The following DISC1 variants were observed in gnomAD, a reference collection of about 807,000 sequenced individuals.
The protein encoded by DISC1 is disrupted in schizophrenia 1 protein.
DISC1 carries 57 observed loss-of-function variants against 84.5 expected under a neutral mutation model. The ratio of observed to expected loss-of-function variants is 0.67; its 90% CI spans 0.55 to 0.84. The LOEUF (loss-of-function observed/expected upper bound fraction) is 0.84. Among genes scored for constraint, DISC1 ranks in the 40% least tolerant of loss-of-function variants. The pLI is 0.00. For synonymous variants in DISC1, 411 were observed against 415.2 expected, an observed-to-expected ratio of 0.99 and a Z score of 0.12; for missense variants, 1,000 against 1,057.8, an observed-to-expected ratio of 0.95 and a Z score of 0.76.
intron 1 of DISC1, among the ~76,000 whole-genome samples, chr1:231,691,948 A>G (rs537017545): frequency 5.3e-5 from 8 of 152,180 alleles, no homozygotes; most frequent in Non-Finnish European, 1.0e-4. Context: ...TTCAACTTGC[A>G]TGGCCTCTGT....
chr1:231,938,842 AC>A (rs2091134513), intron 9 of DISC1, among the ~76,000 whole-genome samples: 1 of 151,996 alleles, frequency 6.6e-6, no homozygotes, highest in South Asian at 2.1e-4. Context: ...CTGTTAGGCA[AC>A]TCTGCTTGGC....
At chr1:231,707,731 A>G (rs1336031162) in intron 3 of DISC1, among the ~76,000 whole-genome samples, 3 of 152,166 alleles carry the variant, frequency 2.0e-5, no homozygotes, top group African/African-American at 4.8e-5. Flanking sequence ...TGTTTGTTTT[A>G]TTAGATAGCT....
At position 231,638,359 on chromosome 1, in the gene DISC1, G is replaced by T. The variant is rs531689884; in HGVS notation, c.67+11425G>T. On this transcript the variant is annotated intron_variant, in intron 1 of 12. Coordinates refer to ENST00000439617, the MANE Select transcript of DISC1 (RefSeq NM_018662.3). The stretch of plus-strand genomic sequence containing the variant: ...AAGTACCATTTCCCTATGCTTTTTT[G>T]TTGTTGTTGTTGTTGCCTGTGCTTT... Among the ~76,000 whole-genome samples the T allele has an allele frequency of 3.2e-4, 49 of 151,878 alleles. 1 individual carries two copies. Among genetic ancestry groups the T allele is most frequent in the African/African-American group, 6.3e-4 (26 of 41,454 alleles).
intron 6 of DISC1, among the ~76,000 whole-genome samples, chr1:231,791,160 T>C (rs1463159024): frequency 6.6e-6 from 1 of 152,198 alleles, no homozygotes; most frequent in Non-Finnish European, 1.5e-5. Flanking sequence ...AGTTTGTGAG[T>C]AAAGAATAAT....
chr1:231,760,114 C>T (rs1481536153), intron 4 of DISC1, among the ~76,000 whole-genome samples: 1 of 152,142 alleles, frequency 6.6e-6, no homozygotes, highest in Admixed American at 6.5e-5. Context: ...CTGTATAAAA[C>T]AATGAAAGTC....
At chr1:231,877,972 A>G (rs2086018261) in intron 9 of DISC1, among the ~76,000 whole-genome samples, 1 of 152,262 alleles carries the variant, frequency 6.6e-6, no homozygotes. Flanking sequence ...ATGAAGACAA[A>G]TGAACTCAAA....
intron 3 of DISC1, chr1:231,724,176 G>T (rs201897757): frequency 8.2e-5 from 33 of 403,578 alleles, no homozygotes; most frequent in Non-Finnish European, 1.0e-4. Context: ...TCCTCTGTGT[G>T]GGGAAGGGGG....
At chr1:231,909,196 T>G (rs1416588724) in intron 9 of DISC1, among the ~76,000 whole-genome samples, 1 of 111,346 alleles carries the variant, frequency 9.0e-6, no homozygotes, top group African/African-American at 2.8e-5. Flanking sequence ...GGCCAGAAAT[T>G]CCAACACTAT....
At chr1:231,816,279 A>AT (rs1309006777) in intron 8 of DISC1, among the ~76,000 whole-genome samples, 1 of 152,128 alleles carries the variant, frequency 6.6e-6, no homozygotes, top group Non-Finnish European at 1.5e-5. Context: ...TCATTTGACC[A>AT]TTTTTCAATG....
chr1:231,646,049 T>C (rs892805766), intron 1 of DISC1, among the ~76,000 whole-genome samples: 1 of 128,206 alleles, frequency 7.8e-6, no homozygotes, highest in East Asian at 3.1e-4. Context: ...TAGCAGAATA[T>C]GTACTTTTCT....
At chr1:231,666,244 A>T (rs2062004445) in intron 1 of DISC1, among the ~76,000 whole-genome samples, 1 of 149,670 alleles carries the variant, frequency 6.7e-6, no homozygotes, top group Admixed American at 6.8e-5. Context: ...AGCAAAAGCC[A>T]TTATGAGCTG....
Position 231,954,909 on chromosome 1 carries a change from C to T in DISC1, c.1982-3919C>T, listed in dbSNP as rs1659154482. ...GGGTCCAAAGAAAGTAATAGTTCAA[C>T]ATAGCATTCTCCTTAGATGGCAGCC... On this transcript the variant is annotated intron_variant, in intron 9 of 12. Coordinates refer to ENST00000439617, the MANE Select transcript of DISC1 (RefSeq NM_018662.3). This position sits in a 1 kb window ranked among gnomAD's most constrained non-coding sequence, Gnocchi z 4.8. Among the ~76,000 whole-genome samples, 1 of 152,180 alleles carries T rather than the reference C, an allele frequency of 6.6e-6. No individual in the cohort carries two copies. Among genetic ancestry groups the T allele is most frequent in the Non-Finnish European group, 1.5e-5 (1 of 68,034 alleles).
intron 3 of DISC1, among the ~76,000 whole-genome samples, chr1:231,748,127 T>G (rs572090785): frequency 2.0e-5 from 3 of 152,094 alleles, no homozygotes; most frequent in Non-Finnish European, 4.4e-5. Flanking sequence ...GTTCTAAGAG[T>G]TTTTTTGCTA....
intron 9 of DISC1, among the ~76,000 whole-genome samples, chr1:231,916,576 A>C (rs886180068): frequency 2.8e-5 from 4 of 143,326 alleles, no homozygotes; most frequent in East Asian, 2.1e-4. Context: ...AATGGCGTGA[A>C]CCCGGGAGGC....
intron 12 of DISC1, among the ~76,000 whole-genome samples, chr1:232,030,041 G>A (rs1358261008): frequency 6.6e-6 from 1 of 152,206 alleles, no homozygotes; most frequent in Non-Finnish European, 1.5e-5. Context: ...AAACCCATCA[G>A]CTACTGTGGC....
intron 8 of DISC1, among the ~76,000 whole-genome samples, chr1:231,816,382 G>A (rs900192453): frequency 5.3e-5 from 8 of 152,202 alleles, no homozygotes; most frequent in East Asian, 1.9e-4. Context: ...GTGACTTGTC[G>A]TCTCATTTTT....
intron 10 of DISC1, among the ~76,000 whole-genome samples, chr1:231,985,058 C>T (rs548737107): frequency 2.7e-4 from 41 of 152,198 alleles, no homozygotes; most frequent in Non-Finnish European, 5.1e-4. Flanking sequence ...TGGTGGCTCA[C>T]GCTTGTAATC....
chr1:231,926,942 G>A (rs139286658), intron 9 of DISC1, among the ~76,000 whole-genome samples: 28 of 152,318 alleles, frequency 1.8e-4, no homozygotes, highest in African/African-American at 6.3e-4. Flanking sequence ...ATTTTTCTCA[G>A]AAGGCTATTG....
Position 231,928,054 on chromosome 1 carries a change from A to G in DISC1, c.1982-30774A>G, listed in dbSNP as rs61497291. Among the ~76,000 whole-genome samples the G allele has an allele frequency of 2.6e-3, 394 of 152,308 alleles. 1 individual carries two copies. The highest frequency in any genetic ancestry group is 8.9e-3 in the African/African-American group (368 of 41,552). On this transcript the variant is annotated intron_variant, in intron 9 of 12. Transcript: ENST00000439617. ...AAGTGAGCATGCACTCTGATTTAGG[A>G]AACTTTTCTTGAGAGATTTATTCTA...
Sources: allele counts gnomAD v4.1 joint callset (sites outside exome capture counted in the v4.1 genomes callset), GRCh38; gene constraint gnomAD v4.1.1; non-coding constraint Gnocchi (gnomAD v3.1); transcripts MANE v1.5; gene names NCBI Gene and HGNC (gene_info 2026-07-23, HGNC 2026-07-21).